The following ZFC3H1 variants were observed in gnomAD, a reference collection of about 807,000 sequenced individuals.
The protein encoded by ZFC3H1 is zinc finger C3H1-type containing, also known as zinc finger C3H1 domain-containing protein.
In ZFC3H1, 71 loss-of-function variants were observed where a neutral mutation model predicts 243.7. The ratio of observed to expected loss-of-function variants is 0.29; its 90% CI spans 0.24 to 0.36. ZFC3H1 has a LOEUF of 0.36. Among genes scored for constraint, ZFC3H1 ranks in the 10% least tolerant of loss-of-function variants. The pLI is 1.00. For synonymous variants in ZFC3H1, 838 were observed against 813.0 expected, an observed-to-expected ratio of 1.03 and a Z score of -0.52; for missense variants, 1,966 against 2,317.1, an observed-to-expected ratio of 0.85 and a Z score of 3.11.
intron 22 of ZFC3H1, 29 bp downstream of exon 22, chr12:71,626,231 C>CAT: frequency 6.2e-7 from 1 of 1,608,592 alleles, no homozygotes; most frequent in Non-Finnish European, 8.5e-7. Context: ...CACACACACA[C>CAT]ACACACGTAC....
Position 71,615,282 on chromosome 12 carries a change from G to T in ZFC3H1, c.5179C>A (p.Pro1727Thr). 6.2e-7 allele frequency: 1 copy of T among 1,612,510 alleles called. No individual in the cohort carries two copies. Among genetic ancestry groups the T allele is most frequent in the Non-Finnish European group, 8.5e-7 (1 of 1,179,372 alleles). ...LLNIPGPIDIPSRLCKGNFDD... is the reference protein window; with the variant it reads ...LLNIPGPIDITSRLCKGNFDD... ...AAATTCCCTTTACATAAACGAGATG[G>T]AATGTCAATTGGTCCTGGAATATTT... Residue 1727 changes from proline to threonine, a missense_variant, in exon 28 of 35, where the codon CCA becomes ACA. Physicochemically the swap from Pro to Thr is conservative, Grantham distance 38. Around this residue, in one of 4 missense-constraint regions of ZFC3H1, gnomAD observed 1,383 missense variants for 1,723.7 expected, o/e 0.80. Coordinates refer to ENST00000378743, the MANE Select transcript of ZFC3H1 (RefSeq NM_144982.5).
intron 26 of ZFC3H1, 133 bp downstream of exon 26, chr12:71,619,793 T>A: frequency 1.3e-6 from 1 of 762,980 alleles, no homozygotes; most frequent in Non-Finnish European, 2.1e-6. Context: ...TACTAAGTGC[T>A]ATGGCAAAGA....
chr12:71,621,507 T>C (rs1237884860), intron 24 of ZFC3H1, among the ~76,000 whole-genome samples: 3 of 152,078 alleles, frequency 2.0e-5, no homozygotes, highest in Non-Finnish European at 4.4e-5. Flanking sequence ...TTTCACCACG[T>C]TGGCCAGGCT....
Position 71,638,472 on chromosome 12 carries a change from C to T in ZFC3H1, c.1671G>A (p.Leu557=), listed in dbSNP as rs769254530. The part of the protein sequence containing the change: ...VQPPFFSECS[L]GYFSPAPSLS... ...GAGATGGTGCTGGAGAAAAATACCC[C>T]AATGAACATTCAGAGAAAAATGGCG... The change falls in exon 7 of 35, where the codon TTG becomes TTA. Residue 557 remains leucine (L), a synonymous_variant. Transcript: ENST00000378743. 11 of 1,612,606 alleles carry T rather than the reference C, an allele frequency of 6.8e-6. No individual in the cohort carries two copies. The South Asian group carries it at 1.2e-4, about 18-fold the overall frequency.
Position 71,660,649 on chromosome 12 carries a change from C to T in ZFC3H1, c.598+2364G>A, listed in dbSNP as rs115385991. On this transcript the variant is annotated intron_variant, in intron 1 of 34. Transcript: ENST00000378743. The stretch of plus-strand genomic sequence containing the variant: ...GCAGAAAGAGGACAAAAGCAGAAAG[C>T]CCACTCACCTCCCCCTTTTCTAATA... Among the ~76,000 whole-genome samples, 313 of 152,036 alleles carry T rather than the reference C, an allele frequency of 2.1e-3. 2 individuals are homozygous for T. The highest frequency in any genetic ancestry group is 7.2e-3 in the African/African-American group (300 of 41,468).
intron 22 of ZFC3H1, among the ~76,000 whole-genome samples, chr12:71,625,330 A>G (rs1880136957): frequency 6.6e-6 from 1 of 152,218 alleles, no homozygotes; most frequent in Non-Finnish European, 1.5e-5. Flanking sequence ...TCAGGTGATA[A>G]AAGTTCAGGT....
In ZFC3H1 at chr12:71,657,110, A is replaced by G. The variant is rs375481026; in HGVS notation, c.790T>C (p.Leu264=). 7.6e-5 allele frequency: 122 copies of G among 1,613,962 alleles called. No individual in the cohort carries two copies. The African/African-American group carries it at 1.3e-3, about 17-fold the overall frequency. Residue 264 remains leucine (L), a synonymous_variant, in exon 2 of 35, where the codon TTG becomes CTG. Coordinates refer to ENST00000378743, the MANE Select transcript of ZFC3H1 (RefSeq NM_144982.5). ...EENVQEDPKT[L]NFEDQTSTDN... ...GTGCTAGTTTGGTCCTCGAAGTTCA[A>G]TGTTTTAGGATCTTCCTGCACATTC...
chr12:71,648,083 T>C (rs961807073), intron 2 of ZFC3H1, among the ~76,000 whole-genome samples: 1 of 152,130 alleles, frequency 6.6e-6, no homozygotes, highest in Non-Finnish European at 1.5e-5. Flanking sequence ...GAACTAGAAA[T>C]AGTCACTTCA....
At chr12:71,635,673 A>T in intron 9 of ZFC3H1, 93 bp from the exon 10 acceptor site, 1 of 1,317,514 alleles carries the variant, frequency 7.6e-7, no homozygotes, top group South Asian at 1.7e-5. Context: ...GGCTCCAAGT[A>T]GACAGTCTAT....
intron 2 of ZFC3H1, among the ~76,000 whole-genome samples, chr12:71,648,860 C>A (rs759166147): frequency 6.6e-6 from 1 of 151,948 alleles, no homozygotes; most frequent in Non-Finnish European, 1.5e-5. Context: ...GAGGCCGAGG[C>A]GGGTGGATCA....
intron 5 of ZFC3H1, among the ~76,000 whole-genome samples, chr12:71,642,901 T>C (rs1803301173): frequency 6.6e-6 from 1 of 152,160 alleles, no homozygotes; most frequent in South Asian, 2.1e-4. Context: ...ACTAGAGGAA[T>C]ACAAAAACAA....
At chr12:71,654,741 T>C (rs570201628) in intron 2 of ZFC3H1, among the ~76,000 whole-genome samples, 2 of 151,066 alleles carry the variant, frequency 1.3e-5, no homozygotes, top group Non-Finnish European at 3.0e-5. Context: ...AAAATGTGAG[T>C]AGACTATACG....
chr12:71,632,101 T>C lies in ZFC3H1; in HGVS notation c.3231A>G (p.Val1077=). ...ECINKLNKNT[V]EKPELFLGLK... ...ACCCTAGAAAAAGTTCTGGTTTTTC[T>C]ACAGTATTTTTATTAAGTTTGTTTA... The change falls in exon 15 of 35, where the codon GTA becomes GTG. Residue 1077 remains valine, a synonymous_variant. Coordinates refer to ENST00000378743, the MANE Select transcript of ZFC3H1 (RefSeq NM_144982.5). The C allele has an allele frequency of 6.2e-7, 1 of 1,611,302 alleles. No individual in the cohort carries two copies. The highest frequency in any genetic ancestry group is 8.5e-7 in the Non-Finnish European group (1 of 1,179,208).
rs1172845822 is a variant in ZFC3H1, at chr12:71,632,325, C to G, written c.3007G>C (p.Glu1003Gln). ...TGAGGTAAAGAAAATTCGGGTTCCTCTTCCACAACTGGAGAGATATTTTGT... is the reference window on the plus strand; with the variant it reads ...TGAGGTAAAGAAAATTCGGGTTCCTGTTCCACAACTGGAGAGATATTTTGT... ...EQQNISPVVE[E>Q]EPEFSLPQPS... is the part of the protein sequence containing the mutation. Residue 1003 changes from glutamate (E) to glutamine (Q), a missense_variant, in exon 15 of 35, where the codon GAG becomes CAG. Glu to Gln is a conservative substitution (Grantham distance 29). This residue lies in a region of ZFC3H1 where 1,383 missense variants were observed against 1,723.7 expected (regional missense o/e 0.80). Transcript: ENST00000378743. 8 of 1,613,728 alleles carry G rather than the reference C, an allele frequency of 5.0e-6. No homozygotes were observed. Among genetic ancestry groups the G allele is most frequent in the African/African-American group, 2.7e-5 (2 of 74,900 alleles).
intron 18 of ZFC3H1, 138 bp downstream of exon 18, chr12:71,630,462 C>T (rs181777870): frequency 1.7e-6 from 2 of 1,211,906 alleles, no homozygotes; most frequent in African/African-American, 1.5e-5. Context: ...ATACTGGATA[C>T]AGCAAATCTA....
At chr12:71,625,180 A>G (rs151092645) in intron 22 of ZFC3H1, among the ~76,000 whole-genome samples, 98 of 152,324 alleles carry the variant, frequency 6.4e-4, no homozygotes, top group African/African-American at 2.3e-3. Context: ...TCAAAGAGTA[A>G]GAAATAGAGT....
chr12:71,629,551 T>C (rs1473319569), intron 19 of ZFC3H1, 58 bp downstream of exon 19: 7 of 512,414 alleles, frequency 1.4e-5, no homozygotes, highest in African/African-American at 4.5e-5. Context: ...CAGAAAGAGA[T>C]ACAGTACACA....
At chr12:71,630,131 A>G (rs1201517964) in intron 18 of ZFC3H1, among the ~76,000 whole-genome samples, 1 of 152,204 alleles carries the variant, frequency 6.6e-6, no homozygotes, top group Non-Finnish European at 1.5e-5. Context: ...ATTTGCTCAC[A>G]AGTGTATCAA....
intron 12 of ZFC3H1, among the ~76,000 whole-genome samples, chr12:71,633,741 A>G (rs1565815170): frequency 6.6e-6 from 1 of 152,112 alleles, no homozygotes; most frequent in Non-Finnish European, 1.5e-5. Context: ...GTGGGAATGC[A>G]TTTCCCTAGT....
Sources: allele counts gnomAD v4.1 joint callset (sites outside exome capture counted in the v4.1 genomes callset), GRCh38; gene constraint gnomAD v4.1.1; regional missense constraint gnomAD v4.1.1; transcripts MANE v1.5; gene names NCBI Gene and HGNC (gene_info 2026-07-23, HGNC 2026-07-21).